The following CNTN5 variants were observed in gnomAD, a reference collection of about 807,000 sequenced individuals.
CNTN5 encodes contactin-5.
CNTN5 carries 77 observed loss-of-function variants against 129.1 expected under a neutral mutation model. The observed-to-expected ratio is 0.60, with a 90% CI of 0.50 to 0.72. CNTN5 has a LOEUF of 0.72. Among genes scored for constraint, CNTN5 ranks in the 30% least tolerant of loss-of-function variants. The pLI is 0.00. For synonymous variants in CNTN5, 509 were observed against 465.6 expected (o/e 1.09, Z -1.20); for missense variants, 1,478 against 1,328.8 (o/e 1.11, Z -1.75).
chr11:99,374,916 G>A (rs1330774723), intron 2 of CNTN5, among the ~76,000 whole-genome samples: 5 of 152,150 alleles, frequency 3.3e-5, no homozygotes, highest in African/African-American at 9.7e-5. Flanking sequence ...GAACATCCAC[G>A]ATACTAGCAG....
chr11:99,965,979 G>T (rs905796519), intron 8 of CNTN5, among the ~76,000 whole-genome samples: 1 of 152,054 alleles, frequency 6.6e-6, no homozygotes, highest in South Asian at 2.1e-4. Context: ...ATTGCACCAC[G>T]GTCAGCTGAA....
chr11:99,852,969 T>C (rs965006330), intron 6 of CNTN5, among the ~76,000 whole-genome samples: 2 of 152,160 alleles, frequency 1.3e-5, no homozygotes, highest in African/African-American at 2.4e-5. Flanking sequence ...CATGATAAAA[T>C]AGCAACATAT....
intron 1 of CNTN5, among the ~76,000 whole-genome samples, chr11:99,128,193 G>T (rs1163256643): frequency 6.6e-6 from 1 of 152,130 alleles, no homozygotes; most frequent in African/African-American, 2.4e-5. Flanking sequence ...CCACTGGGTT[G>T]AAATCCCTGC....
intron 18 of CNTN5, among the ~76,000 whole-genome samples, chr11:100,275,360 C>G (rs531539): frequency 3.3e-5 from 5 of 152,134 alleles, no homozygotes; most frequent in Admixed American, 1.3e-4. Context: ...CACTGTGCAG[C>G]TACTGAAATG....
At chr11:99,579,732 T>G (rs1167620214) in intron 3 of CNTN5, among the ~76,000 whole-genome samples, 17 of 147,530 alleles carry the variant, frequency 1.2e-4, no homozygotes, top group Non-Finnish European at 2.5e-4. Context: ...GATTTTGGGC[T>G]GAGACGATGG....
At chr11:100,164,225 T>A (rs2138376416) in intron 13 of CNTN5, among the ~76,000 whole-genome samples, 1 of 151,900 alleles carries the variant, frequency 6.6e-6, no homozygotes, top group East Asian at 1.9e-4. Context: ...GGCAAAAAAA[T>A]CTACTTCTGA....
intron 6 of CNTN5, among the ~76,000 whole-genome samples, chr11:99,899,563 C>T (rs1949299281): frequency 6.6e-6 from 1 of 152,048 alleles, no homozygotes; most frequent in Non-Finnish European, 1.5e-5. Context: ...CCTTGCATCC[C>T]TTGAGCGAAG....
intron 1 of CNTN5, among the ~76,000 whole-genome samples, chr11:99,043,670 A>G (rs1864096017): frequency 6.6e-6 from 1 of 152,234 alleles, no homozygotes; most frequent in Non-Finnish European, 1.5e-5. Context: ...GTGAATCATC[A>G]TAATTTGCTA....
At chr11:99,497,165 C>T (rs924755329) in intron 2 of CNTN5, among the ~76,000 whole-genome samples, 3 of 151,900 alleles carry the variant, frequency 2.0e-5, no homozygotes, top group African/African-American at 7.3e-5. Flanking sequence ...AATTAGAGAC[C>T]CAAAAGAGAA....
chr11:99,803,133 G>A (rs1231382417), intron 3 of CNTN5, among the ~76,000 whole-genome samples: 19 of 152,158 alleles, frequency 1.2e-4, no homozygotes, highest in Admixed American at 1.2e-3. Flanking sequence ...AAAGGACGGG[G>A]TGGTTCAGGC....
At chr11:99,788,147 C>A (rs556612855) in intron 3 of CNTN5, among the ~76,000 whole-genome samples, 1 of 152,008 alleles carries the variant, frequency 6.6e-6, no homozygotes, top group African/African-American at 2.4e-5. Context: ...TTTTCTGTAT[C>A]TTCCTCATAT....
intron 1 of CNTN5, among the ~76,000 whole-genome samples, chr11:99,302,257 A>G (rs534206147): frequency 5.9e-5 from 9 of 151,854 alleles, no homozygotes; most frequent in African/African-American, 2.2e-4. Context: ...TATAAAAACA[A>G]TAGTGAAAAG....
chr11:99,055,006 T>C (rs1164295347), intron 1 of CNTN5, among the ~76,000 whole-genome samples: 1 of 151,946 alleles, frequency 6.6e-6, no homozygotes, highest in Admixed American at 6.6e-5. Context: ...GAACTTTAAA[T>C]CGTAATTACC....
intron 3 of CNTN5, among the ~76,000 whole-genome samples, chr11:99,670,846 C>T (rs1953005139): frequency 6.6e-6 from 1 of 152,130 alleles, no homozygotes. Flanking sequence ...ACTGTTTCCT[C>T]GTCTCTGAAG....
chr11:99,963,975 A>G (rs546506995), intron 8 of CNTN5, among the ~76,000 whole-genome samples: 82 of 152,306 alleles, frequency 5.4e-4, no homozygotes, highest in African/African-American at 1.5e-3. Context: ...TTATTGGTGT[A>G]TAAGAATGCT....
intron 18 of CNTN5, among the ~76,000 whole-genome samples, chr11:100,283,933 G>A (rs4337000): frequency 0.41 from 62,983 of 151,888 alleles, 14,659 homozygotes; most frequent in Non-Finnish European, 0.54. Context: ...GTGACATAGC[G>A]AGACTCTGTC....
At chr11:99,880,763 T>A (rs1322206164) in intron 6 of CNTN5, among the ~76,000 whole-genome samples, 1 of 152,210 alleles carries the variant, frequency 6.6e-6, no homozygotes, top group Admixed American at 6.5e-5. Flanking sequence ...AAGGATATTA[T>A]TATACAACAG....
intron 3 of CNTN5, among the ~76,000 whole-genome samples, chr11:99,577,670 AG>A (rs200308367): frequency 0.013 from 1,931 of 152,196 alleles, 19 homozygotes; most frequent in Non-Finnish European, 0.02. Flanking sequence ...TGTTTAAAAG[AG>A]TTTGTGGGAC....
intron 3 of CNTN5, among the ~76,000 whole-genome samples, chr11:99,712,024 A>G (rs961294580): frequency 1.3e-5 from 2 of 152,100 alleles, no homozygotes; most frequent in Admixed American, 1.3e-4. Flanking sequence ...GTCAAATGGT[A>G]CTTCTAGTTC....
Sources: gnomAD v4.1 joint callset for allele counts (sites outside exome capture counted in the v4.1 genomes callset) on GRCh38, gnomAD v4.1.1 for gene constraint, MANE v1.5 for transcripts, NCBI Gene and HGNC (gene_info 2026-07-23, HGNC 2026-07-21) for gene names.